Variants in PALM observed in about 807,000 individuals in gnomAD.
The protein encoded by PALM is paralemmin-1.
Under a neutral mutation model 30.7 loss-of-function variants are expected in PALM, and 18 were observed. The ratio of observed to expected loss-of-function variants is 0.59; its 90% CI spans 0.41 to 0.87. The LOEUF is 0.87. Ranked by LOEUF, PALM falls within the 40% of genes least tolerant of loss-of-function variation. PALM has a pLI of 0.00. For synonymous variants in PALM, 286 were observed against 242.8 expected (o/e 1.18, Z -1.66); for missense variants, 529 against 555.4 (o/e 0.95, Z 0.48).
chr19:743,058 C>T (rs1425216389), intron 8 of PALM, among the ~76,000 whole-genome samples: 2 of 152,120 alleles, frequency 1.3e-5, no homozygotes, highest in Admixed American at 6.6e-5. Context: ...CGCTCGTAGC[C>T]CATTCTCGTG....
chr19:710,844 C>T (rs904599927), intron 1 of PALM, among the ~76,000 whole-genome samples: 19 of 152,334 alleles, frequency 1.2e-4, no homozygotes, highest in South Asian at 4.1e-4. Flanking sequence ...AGCCGCCATT[C>T]GAGGACGACT....
At chr19:739,195 T>A (rs2033115030) in intron 7 of PALM, among the ~76,000 whole-genome samples, 1 of 152,128 alleles carries the variant, frequency 6.6e-6, no homozygotes, top group Admixed American at 6.5e-5. Context: ...CAAGTTCGAC[T>A]ATCTCAGGAG....
chr19:709,103 G>T lies in PALM; in HGVS notation c.-44G>T, dbSNP rs1036937522. The stretch of plus-strand genomic sequence containing the variant: ...CCTCCCCCGCGCGCCACCCGCGCCC[G>T]CCCCCGCCCGGCACCGCGGACCCAC... On this transcript the variant is annotated 5_prime_UTR_variant, in exon 1 of 9. Coordinates refer to ENST00000338448, the MANE Select transcript of PALM (RefSeq NM_002579.3). This position sits in a 1 kb window ranked among gnomAD's most constrained non-coding sequence, Gnocchi z 4.3. 21 of 264,984 alleles carry T rather than the reference G, an allele frequency of 7.9e-5. 1 individual carries two copies. The highest frequency in any genetic ancestry group is 1.2e-4 in the Non-Finnish European group (17 of 141,668). The allele number at this position is 264,984 out of a possible 1,614,324, so 16.4% of individuals were successfully genotyped here. A position where few individuals can be genotyped will look rare whatever the true frequency, so the allele number is the denominator to read the frequency against.
At chr19:720,878 C>G (rs2032455735) in intron 1 of PALM, among the ~76,000 whole-genome samples, 1 of 152,218 alleles carries the variant, frequency 6.6e-6, no homozygotes, top group African/African-American at 2.4e-5. Context: ...CGGCGACCAG[C>G]CTGATCCTGG....
Position 726,995 on chromosome 19 carries a change from GC to G in PALM, c.58-10del. On this transcript the variant is annotated splice_polypyrimidine_tract_variant and intron_variant, in intron 2 of 8. Coordinates refer to ENST00000338448, the MANE Select transcript of PALM (RefSeq NM_002579.3). ...CCACGCCCATCCCTGACCCCACCCG[GC>G]CCTCCCCACAGGAGAAGCGGAAGCG... is the stretch of plus-strand genomic sequence containing the variant. 1.3e-6 allele frequency: 1 copy of G among 753,598 alleles called. No homozygotes were observed. The highest frequency in any genetic ancestry group is 2.1e-6 in the Non-Finnish European group (1 of 479,424). 46.7% of individuals were successfully genotyped at this position (753,598 alleles called of 1,614,324 possible).
chr19:713,377 G>A (rs749707915), intron 1 of PALM, among the ~76,000 whole-genome samples: 1 of 152,074 alleles, frequency 6.6e-6, no homozygotes, highest in Non-Finnish European at 1.5e-5. Flanking sequence ...TAGCATGTCA[G>A]TCTCCTCCGG....
intron 2 of PALM, among the ~76,000 whole-genome samples, 173 bp downstream of exon 2, chr19:726,362 C>T (rs2032661999): frequency 6.6e-6 from 1 of 152,168 alleles, no homozygotes; most frequent in Non-Finnish European, 1.5e-5. Context: ...GTGGAGACCC[C>T]CTGAGTCGGC....
intron 1 of PALM, among the ~76,000 whole-genome samples, chr19:717,464 G>A (rs1055363852): frequency 6.6e-5 from 10 of 152,220 alleles, no homozygotes; most frequent in Admixed American, 1.3e-4. Context: ...CATCCGCGCC[G>A]TGGCCTGGGT....
Position 716,882 on chromosome 19 carries a change from T to A in PALM, c.5+7731T>A, listed in dbSNP as rs1413006659. ...AAAATACATTTCACACGCTACACAG[T>A]CTGGCTGCTTAAAGTGTACAGCTCA... is the stretch of plus-strand genomic sequence containing the variant. On this transcript the variant is annotated intron_variant, in intron 1 of 8. Coordinates refer to ENST00000338448, the MANE Select transcript of PALM (RefSeq NM_002579.3). 2.0e-5 allele frequency among the ~76,000 whole-genome samples: 3 copies of A among 152,254 alleles called. No individual in the cohort carries two copies. In the East Asian group the frequency reaches 5.8e-4, roughly 29 times the overall value.
chr19:748,251 C>T lies in PALM; in HGVS notation c.*1437C>T, dbSNP rs926670796. The T allele has an allele frequency of 6.5e-6, 1 of 152,784 alleles. No homozygotes were observed. The highest frequency in any genetic ancestry group is 2.4e-5 in the African/African-American group (1 of 41,480). 9.5% of individuals were successfully genotyped at this position (152,784 alleles called of 1,614,324 possible). A position where few individuals can be genotyped will look rare whatever the true frequency, so the allele number is the denominator to read the frequency against. ...GCTGAAGTGCCCTTGCTATAACCCC[C>T]TCTGCTTCTGGTGTGTGACGAGGCC... is the stretch of plus-strand genomic sequence containing the variant. On this transcript the variant is annotated 3_prime_UTR_variant, in exon 9 of 9. Coordinates refer to ENST00000338448, the MANE Select transcript of PALM (RefSeq NM_002579.3).
chr19:735,985 C>T (rs1441956956), intron 6 of PALM, 34 bp from the exon 7 acceptor site: 3 of 1,591,126 alleles, frequency 1.9e-6, no homozygotes, highest in Non-Finnish European at 2.6e-6. Context: ...TCCTCTGACC[C>T]TCATCTCTCT....
At chr19:737,168 G>A (rs921329238) in intron 7 of PALM, among the ~76,000 whole-genome samples, 5 of 152,210 alleles carry the variant, frequency 3.3e-5, no homozygotes, top group African/African-American at 7.2e-5. Flanking sequence ...GCACGGTCCA[G>A]GGTGGGGGTT....
intron 7 of PALM, among the ~76,000 whole-genome samples, chr19:737,526 C>T (rs1259320122): frequency 1.3e-5 from 2 of 152,132 alleles, no homozygotes; most frequent in African/African-American, 4.8e-5. Flanking sequence ...GGACGTTGAG[C>T]TGGAGGAAGG....
At chr19:725,433 C>T (rs1399173581) in intron 1 of PALM, among the ~76,000 whole-genome samples, 1 of 152,076 alleles carries the variant, frequency 6.6e-6, no homozygotes, top group Non-Finnish European at 1.5e-5. Context: ...TGGTGGCAGG[C>T]ACCTGTCATC....
chr19:727,239 A>AC, intron 3 of PALM, 151 bp downstream of exon 3: 1 of 580,386 alleles, frequency 1.7e-6, no homozygotes. Flanking sequence ...CCTGACCCCG[A>AC]CCCCGACCCC....
chr19:734,291 G>A lies in PALM; in HGVS notation c.442+97G>A. 2.5e-6 allele frequency: 3 copies of A among 1,192,004 alleles called. No individual in the cohort carries two copies. In the South Asian group the frequency reaches 3.8e-5, roughly 15 times the overall value. The allele number at this position is 1,192,004 out of a possible 1,614,324, so 73.8% of individuals were successfully genotyped here. ...GAGTGAAGCTACAAAGTTGCTCGGTGCCTCACGCCTGTGATCCCAGCACTT... is the reference window on the plus strand; with the variant it reads ...GAGTGAAGCTACAAAGTTGCTCGGTACCTCACGCCTGTGATCCCAGCACTT... On this transcript the variant is annotated intron_variant, in intron 6 of 8. Transcript: ENST00000338448.
chr19:735,349 G>A (rs139170928), intron 6 of PALM, among the ~76,000 whole-genome samples: 153 of 141,456 alleles, frequency 1.1e-3, no homozygotes, highest in African/African-American at 4.1e-3. Flanking sequence ...GGGTGTCTGG[G>A]TGGGATCTGT....
chr19:727,262 A>G (rs117394995), intron 3 of PALM, among the ~76,000 whole-genome samples, 174 bp downstream of exon 3: 9,264 of 37,358 alleles, frequency 0.25, 456 homozygotes, highest in Non-Finnish European at 0.31. Flanking sequence ...CCCTGACCCC[A>G]ACCTGACCCC....
intron 1 of PALM, among the ~76,000 whole-genome samples, chr19:715,969 G>T (rs539976560): frequency 1.3e-5 from 2 of 152,144 alleles, no homozygotes; most frequent in South Asian, 4.1e-4. Context: ...GGACGTCTTG[G>T]TGTCTGAGGA....
Sources: allele counts gnomAD v4.1 joint callset (sites outside exome capture counted in the v4.1 genomes callset), GRCh38; gene constraint gnomAD v4.1.1; non-coding constraint Gnocchi (gnomAD v3.1); transcripts MANE v1.5; gene names NCBI Gene and HGNC (gene_info 2026-07-23, HGNC 2026-07-21).